AKAP9: variants seen among roughly 807,000 people sequenced by gnomAD.
AKAP9 encodes A-kinase anchor protein 9.
Under a neutral mutation model 488.5 loss-of-function variants are expected in AKAP9, and 311 were observed. The ratio of observed to expected loss-of-function variants is 0.64; its 90% confidence interval spans 0.58 to 0.70. AKAP9 has a LOEUF of 0.70. AKAP9 is among the 30% of genes least tolerant of loss of function. The pLI, the probability that AKAP9 is intolerant of heterozygous loss-of-function variation, is 0.00. For missense variants in AKAP9, 4,215 were observed against 4,374.5 expected (o/e 0.96, Z 1.03); for synonymous variants, 1,462 against 1,483.5 (o/e 0.99, Z 0.33).
intron 28 of AKAP9, among the ~76,000 whole-genome samples, chr7:92,076,078 T>A (rs1812541955): frequency 6.6e-6 from 1 of 152,214 alleles, no homozygotes. Flanking sequence ...TCACTTTGTA[T>A]TAAGTAGCAA....
At chr7:92,038,860 G>C in intron 17 of AKAP9, 88 bp downstream of exon 17, 1 of 888,290 alleles carries the variant, frequency 1.1e-6, no homozygotes, top group South Asian at 1.6e-5. Flanking sequence ...GCTGCTTAAT[G>C]TTTGGAGGAG....
chr7:91,975,107 C>T (rs1409766824), intron 2 of AKAP9, among the ~76,000 whole-genome samples: 1 of 152,158 alleles, frequency 6.6e-6, no homozygotes, highest in Non-Finnish European at 1.5e-5. Flanking sequence ...CCACCTTGGC[C>T]TCCCAAAGTC....
intron 12 of AKAP9, among the ~76,000 whole-genome samples, chr7:92,018,395 A>AACACACACACACACACACACACAC (rs56394853): frequency 5.0e-5 from 6 of 120,610 alleles, no homozygotes; most frequent in East Asian, 2.4e-4. Flanking sequence ...CTAAAAATAT[A>AACACACACACACACACACACACAC]ACACACACAC....
rs1368492472 is a variant in AKAP9, at chr7:91,989,722, GA to G, written c.352-2434del. ...ACTCCATAAGTCATTTAGGCACATT[GA>G]ACTCTTATAATTTTCATGAACTTTT... is the stretch of plus-strand genomic sequence containing the variant. On this transcript the variant is annotated intron_variant, in intron 3 of 49. Transcript: ENST00000356239. 3.3e-5 allele frequency among the ~76,000 whole-genome samples: 5 copies of G among 152,002 alleles called. No homozygotes were observed. The East Asian group carries it at 9.6e-4, about 29-fold the overall frequency.
At position 92,105,700 on chromosome 7, in the gene AKAP9, T is replaced by C. The variant is rs769071659; in HGVS notation, c.11353T>C (p.Trp3785Arg). 2 of 1,614,112 alleles carry C rather than the reference T, an allele frequency of 1.2e-6. No homozygotes were observed. The highest frequency in any genetic ancestry group is 1.7e-6 in the Non-Finnish European group (2 of 1,180,018). ...TAGAATGAAATTTTTGGTTCGACGG[T>C]GGCATCGAGTCACAGGTTCTGTTTC... Reference protein sequence around the residue: ...ISRMKFLVRRWHRVTGSVSIN... With the variant: ...ISRMKFLVRRRHRVTGSVSIN... The change falls in exon 47 of 50, where the codon TGG (tryptophan) becomes CGG (arginine). Residue 3785 changes from tryptophan (W) to arginine (R), a missense_variant. Transcript: ENST00000356239.
Position 92,003,098 on chromosome 7 carries a change from G to A in AKAP9, c.3181G>A (p.Val1061Ile). The change falls in exon 8 of 50, where the codon GTT becomes ATT. Residue 1061 changes from valine to isoleucine, a missense_variant. Coordinates refer to ENST00000356239, the MANE Select transcript of AKAP9 (RefSeq NM_005751.5). ...TAAAGTTTCTTTTGAAAATATGACT[G>A]TTGGAGAAGAAAGTAAGCAAGAACA... ...EDKVSFENMT[V>I]GEESKQEQLI... The A allele has an allele frequency of 1.2e-6, 2 of 1,612,022 alleles. No individual in the cohort carries two copies. Among genetic ancestry groups the A allele is most frequent in the Non-Finnish European group, 1.7e-6 (2 of 1,178,966 alleles).
chr7:92,027,597 A>G (rs13307210), intron 14 of AKAP9, among the ~76,000 whole-genome samples: 1 of 119,064 alleles, frequency 8.4e-6, no homozygotes. Context: ...CCGTCTGGGA[A>G]GTGAGGAGCG....
intron 1 of AKAP9, among the ~76,000 whole-genome samples, chr7:91,964,257 C>T (rs1794137004): frequency 6.6e-6 from 1 of 152,114 alleles, no homozygotes; most frequent in Admixed American, 6.5e-5. Context: ...GTCCTGCCTT[C>T]TCTGTTAAAA....
chr7:91,991,068 G>A (rs1275757262), intron 3 of AKAP9, among the ~76,000 whole-genome samples: 3 of 152,030 alleles, frequency 2.0e-5, no homozygotes, highest in African/African-American at 7.2e-5. Context: ...AGTGTATATA[G>A]GGTTCAATAC....
At chr7:92,031,660 C>A in intron 16 of AKAP9, 56 bp downstream of exon 16, 1 of 1,293,642 alleles carries the variant, frequency 7.7e-7, no homozygotes, top group Non-Finnish European at 1.1e-6. Flanking sequence ...TTTGAGCCTT[C>A]AAAAAGAACA....
intron 1 of AKAP9, among the ~76,000 whole-genome samples, chr7:91,963,052 TATTA>T (rs1793922772): frequency 6.6e-6 from 1 of 152,212 alleles, no homozygotes; most frequent in Non-Finnish European, 1.5e-5. Flanking sequence ...TCAAAAATGC[TATTA>T]ATTTCTTTTG....
chr7:92,066,541 A>G lies in AKAP9; in HGVS notation c.6325A>G (p.Arg2109Gly), dbSNP rs1412749882. The G allele has an allele frequency of 6.2e-6, 10 of 1,613,336 alleles. No individual in the cohort carries two copies. Among genetic ancestry groups the G allele is most frequent in the Non-Finnish European group, 8.5e-6 (10 of 1,179,564 alleles). The stretch of plus-strand genomic sequence containing the variant: ...CCAGCCTATCAGTGAACATCAAACT[A>G]GAGAGGTAAGAACTTCACTGATATT... ...RFQPISEHQT[R>G]EVEQLANHLK... is the part of the protein sequence containing the mutation. Residue 2109 changes from arginine to glycine, a missense_variant, in exon 26 of 50, where the codon AGA becomes GGA. By Grantham distance (125) the Arg-to-Gly change is moderately radical. Around this residue, in one of 5 missense-constraint regions of AKAP9, gnomAD observed 2,361 missense variants for 2,430.0 expected, o/e 0.97. Coordinates refer to ENST00000356239, the MANE Select transcript of AKAP9 (RefSeq NM_005751.5).
intron 12 of AKAP9, among the ~76,000 whole-genome samples, chr7:92,021,086 C>T (rs1048036041): frequency 3.9e-5 from 6 of 152,144 alleles, no homozygotes; most frequent in South Asian, 2.1e-4. Flanking sequence ...TTATGGCATA[C>T]GTCATTCTTT....
intron 3 of AKAP9, among the ~76,000 whole-genome samples, chr7:91,989,004 A>G (rs529801566): frequency 1.3e-5 from 2 of 152,314 alleles, no homozygotes; most frequent in South Asian, 4.1e-4. Flanking sequence ...AGTTCACAAA[A>G]TAAGCTTGAG....
At chr7:91,963,933 A>G (rs1794100843) in intron 1 of AKAP9, among the ~76,000 whole-genome samples, 1 of 152,084 alleles carries the variant, frequency 6.6e-6, no homozygotes, top group African/African-American at 2.4e-5. Context: ...TAATACTAGT[A>G]GTATATTTCC....
chr7:91,952,432 C>T, intron 1 of AKAP9, among the ~76,000 whole-genome samples: 1 of 152,076 alleles, frequency 6.6e-6, no homozygotes, highest in South Asian at 2.1e-4. Flanking sequence ...TAATATAATT[C>T]TGGGTCCATG....
chr7:91,988,375 TAGG>T (rs1179485713), intron 3 of AKAP9, among the ~76,000 whole-genome samples: 1 of 143,610 alleles, frequency 7.0e-6, no homozygotes, highest in African/African-American at 2.6e-5. Flanking sequence ...GAGGCTGAAG[TAGG>T]AGGATCCCAT....
chr7:92,071,679 TATC>T (rs1022427147), intron 28 of AKAP9, among the ~76,000 whole-genome samples: 11 of 152,294 alleles, frequency 7.2e-5, no homozygotes, highest in South Asian at 2.1e-4. Context: ...AGCTATATCT[TATC>T]ATTTAAAATG....
At position 92,099,828 on chromosome 7, in the gene AKAP9, C is replaced by G. The variant is rs774868258; in HGVS notation, c.10855C>G (p.Gln3619Glu). Reference protein sequence around the residue: ...LRNMVMKLEEQIRWYRQTGAG... With the variant: ...LRNMVMKLEEEIRWYRQTGAG... ...GAACATGGTTATGAAGCTGGAAGAG[C>G]AGATCAGGTGGTATCGACAGACAGG... The change falls in exon 44 of 50, where the codon CAG becomes GAG. Residue 3619 changes from glutamine to glutamate, a missense_variant. This residue lies in a region of AKAP9 where 74 missense variants were observed against 113.0 expected (regional missense o/e 0.65). Transcript: ENST00000356239. 3.1e-6 allele frequency: 5 copies of G among 1,613,994 alleles called. No individual in the cohort carries two copies. The highest frequency in any genetic ancestry group is 3.4e-6 in the Non-Finnish European group (4 of 1,179,962).
Sources: gnomAD v4.1 joint callset for allele counts (sites outside exome capture counted in the v4.1 genomes callset) on GRCh38, gnomAD v4.1.1 for gene constraint, gnomAD v4.1.1 regional missense constraint, MANE v1.5 for transcripts, NCBI Gene and HGNC (gene_info 2026-07-23, HGNC 2026-07-21) for gene names.